SHPRH: variants seen among roughly 807,000 people sequenced by gnomAD.
SHPRH encodes the protein E3 ubiquitin-protein ligase SHPRH.
A neutral mutation model predicts 202.5 loss-of-function variants in SHPRH; 106 were observed. That is an observed-to-expected ratio of 0.52 (90% CI 0.45 to 0.62). The LOEUF is 0.62. Among genes scored for constraint, SHPRH ranks in the 20% least tolerant of loss-of-function variants. The pLI, the probability that SHPRH is intolerant of heterozygous loss-of-function variation, is 0.00. For missense variants in SHPRH, 1,710 were observed against 2,020.0 expected (o/e 0.85, Z 2.94); for synonymous variants, 729 against 686.0 (o/e 1.06, Z -0.98).
Position 145,943,792 on chromosome 6 carries a change from C to A in SHPRH, c.1589G>T (p.Ser530Ile). Residue 530 changes from serine to isoleucine, a missense_variant, in exon 9 of 30, where the codon AGT (serine) becomes ATT (isoleucine). Physicochemically the swap from Ser to Ile is moderately radical, Grantham distance 142. This residue lies in a region of SHPRH where 348 missense variants were observed against 356.9 expected (regional missense o/e 0.97). Transcript: ENST00000275233. The stretch of plus-strand genomic sequence containing the variant: ...AGTTTCTTTCTGAATTTTCCTTGGA[C>A]TCCCTACTGCCTATGAAAAAAATAT... ...CDKTKKQAVG[S>I]PRKIQKETRK... 6.4e-7 allele frequency: 1 copy of A among 1,573,972 alleles called. No homozygotes were observed. Among genetic ancestry groups the A allele is most frequent in the Non-Finnish European group, 8.6e-7 (1 of 1,167,244 alleles).
At chr6:145,946,172 G>A in intron 7 of SHPRH, 61 bp downstream of exon 7, 1 of 1,238,706 alleles carries the variant, frequency 8.1e-7, no homozygotes, top group Non-Finnish European at 1.1e-6. Flanking sequence ...TCTAAGGATT[G>A]CAAGAACTCT....
At chr6:145,954,360 A>C (rs1788277699) in intron 2 of SHPRH, among the ~76,000 whole-genome samples, 1 of 152,104 alleles carries the variant, frequency 6.6e-6, no homozygotes, top group Admixed American at 6.6e-5. Context: ...ATTTGCATTC[A>C]ATCATACAAT....
At chr6:145,864,622 TTG>T in intron 2 of SHPRH, 1 of 168,472 alleles carries the variant, frequency 5.9e-6, no homozygotes, top group African/African-American at 2.4e-5. Flanking sequence ...TTTTTTTTTT[TTG>T]GGTAAGCCAC....
downstream of SHPRH, among the ~76,000 whole-genome samples, chr6:145,882,770 A>C (rs932476251): frequency 3.9e-5 from 6 of 152,216 alleles, no homozygotes; most frequent in Non-Finnish European, 8.8e-5. Context: ...TGATGCAGTA[A>C]ATGTTAATTA....
rs1244552831 is a variant in SHPRH at position 145,951,857 on chromosome 6, C to A, written c.763+492G>T. 4 of 455,830 alleles carry A rather than the reference C, an allele frequency of 8.8e-6. No homozygotes were observed. The East Asian group carries it at 2.8e-4, about 32-fold the overall frequency. The allele number at this position is 455,830 out of a possible 1,614,324, so 28.2% of individuals were successfully genotyped here. On this transcript the variant is annotated intron_variant, in intron 3 of 29. Transcript: ENST00000275233. Reference sequence around the variant, plus strand: ...TGTTGATGAGCTGCACCAAGCCATCCACACTCTCCCAAGGTGACCAATGGC... The same window carrying A: ...TGTTGATGAGCTGCACCAAGCCATCAACACTCTCCCAAGGTGACCAATGGC...
intron 2 of SHPRH, among the ~76,000 whole-genome samples, chr6:145,864,825 G>A (rs527270570): frequency 1.3e-5 from 2 of 151,962 alleles, no homozygotes; most frequent in Middle Eastern, 3.4e-3. Context: ...GAATTGCCAC[G>A]TTTTAGGTCA....
intron 25 of SHPRH, among the ~76,000 whole-genome samples, chr6:145,896,994 AAAG>A (rs1407361690): frequency 6.6e-6 from 1 of 151,982 alleles, no homozygotes; most frequent in East Asian, 1.9e-4. Flanking sequence ...GGAACTGGAA[AAAG>A]AAGAGCAAAG....
chr6:145,930,602 A>G (rs1326492581), intron 14 of SHPRH, among the ~76,000 whole-genome samples: 2 of 152,142 alleles, frequency 1.3e-5, no homozygotes, highest in East Asian at 3.8e-4. Context: ...GTAAGCATGA[A>G]TCCTTTGAAA....
chr6:145,878,050 T>C (rs1780382661), intron 2 of SHPRH: 1 of 152,228 alleles, frequency 6.6e-6, no homozygotes, highest in Non-Finnish European at 1.5e-5. Flanking sequence ...TTGTTCATAT[T>C]TGACTCAGAA....
In SHPRH at chr6:145,946,223, T is replaced by A. The variant is rs1787358900; in HGVS notation, c.1321+10A>T. The A allele has an allele frequency of 2.5e-6, 4 of 1,597,314 alleles. No individual in the cohort carries two copies. The highest frequency in any genetic ancestry group is 3.4e-6 in the Non-Finnish European group (4 of 1,169,590). ...AAGAAGGTATTTCCTTTAAGAGATG[T>A]CTTACTTACGAGGGCATTGAACTTT... On this transcript the variant is annotated intron_variant, in intron 7 of 29. Transcript: ENST00000275233.
chr6:145,940,578 G>C, intron 11 of SHPRH, 145 bp downstream of exon 11: 1 of 719,454 alleles, frequency 1.4e-6, no homozygotes. Context: ...AAAGATAAAT[G>C]CTTGAAACTA....
At chr6:145,900,105 T>A (rs983588545) in intron 25 of SHPRH, among the ~76,000 whole-genome samples, 2 of 152,138 alleles carry the variant, frequency 1.3e-5, no homozygotes, top group African/African-American at 4.8e-5. Flanking sequence ...GGTTTCTCAA[T>A]ATATTAAAAA....
Position 145,886,750 on chromosome 6 carries a change from C to T in SHPRH, c.4993G>A (p.Val1665Ile). 6.2e-7 allele frequency: 1 copy of T among 1,613,788 alleles called. No individual in the cohort carries two copies. Among genetic ancestry groups the T allele is most frequent in the South Asian group, 1.1e-5 (1 of 91,068 alleles). Reference sequence around the variant, plus strand: ...TCTGCCAGGTCAGCCACAGTCAAGACAGAGGCCTCTGAATGCTTTGCTGAT... The same window carrying T: ...TCTGCCAGGTCAGCCACAGTCAAGATAGAGGCCTCTGAATGCTTTGCTGAT... ...NSSAKHSEAS[V>I]LTVADLADLF... Residue 1665 changes from valine (V) to isoleucine (I), a missense_variant, in exon 30 of 30, where the codon GTC becomes ATC. Val to Ile is a conservative substitution (Grantham distance 29). This residue lies in a region of SHPRH where 306 missense variants were observed against 479.5 expected (regional missense o/e 0.64). Transcript: ENST00000275233.
chr6:145,951,924 C>T, intron 3 of SHPRH: 1 of 455,648 alleles, frequency 2.2e-6, no homozygotes, highest in Non-Finnish European at 4.4e-6. Flanking sequence ...GATGCAACGT[C>T]TTGCCAAGAA....
intron 19 of SHPRH, 101 bp from the exon 20 acceptor site, chr6:145,922,449 A>G: frequency 7.6e-7 from 1 of 1,319,494 alleles, no homozygotes; most frequent in East Asian, 2.6e-5. Context: ...TCTTTCCACT[A>G]GATATGCCAT....
chr6:145,886,730 C>A lies in SHPRH; in HGVS notation c.5013G>T (p.Leu1671=). 1 of 1,613,632 alleles carries A rather than the reference C, an allele frequency of 6.2e-7. No homozygotes were observed. Among genetic ancestry groups the A allele is most frequent in the South Asian group, 1.1e-5 (1 of 91,066 alleles). The change falls in exon 30 of 30, where the codon CTG becomes CTT. Residue 1671 remains leucine (L), a synonymous_variant. Coordinates refer to ENST00000275233, the MANE Select transcript of SHPRH (RefSeq NM_001042683.3). ...CAGTTTCTTTGGTAAATAGGTCTGC[C>A]AGGTCAGCCACAGTCAAGACAGAGG... ...SEASVLTVAD[L]ADLFTKETEE...
Position 145,910,583 on chromosome 6 carries a change from A to T in SHPRH, c.4380T>A (p.Ile1460=). The change falls in exon 25 of 30, where the codon ATT becomes ATA. Residue 1460 remains isoleucine (I), a synonymous_variant. Transcript: ENST00000275233. ...HCFCNECISI[I]IEQYSVGSHR... The stretch of plus-strand genomic sequence containing the variant: ...GAGATCCCACGCTGTATTGTTCAAT[A>T]ATTATAGAAATGCATTCATTACAGA... 6.2e-7 allele frequency: 1 copy of T among 1,613,142 alleles called. No individual in the cohort carries two copies. Among genetic ancestry groups the T allele is most frequent in the Non-Finnish European group, 8.5e-7 (1 of 1,179,520 alleles).
chr6:145,873,880 T>C (rs992785945), intron 2 of SHPRH, among the ~76,000 whole-genome samples: 2 of 152,158 alleles, frequency 1.3e-5, no homozygotes, highest in Non-Finnish European at 2.9e-5. Flanking sequence ...CACAAAGTGA[T>C]ATTATGTTAG....
intron 7 of SHPRH, among the ~76,000 whole-genome samples, 173 bp from the exon 8 acceptor site, chr6:145,945,810 T>C (rs1787311576): frequency 6.6e-6 from 1 of 152,094 alleles, no homozygotes; most frequent in Non-Finnish European, 1.5e-5. Flanking sequence ...TCTCAGCATA[T>C]TAAGAAACAA....
Sources: allele counts gnomAD v4.1 joint callset (sites outside exome capture counted in the v4.1 genomes callset), GRCh38; gene constraint gnomAD v4.1.1; regional missense constraint gnomAD v4.1.1; transcripts MANE v1.5; gene names NCBI Gene and HGNC (gene_info 2026-07-23, HGNC 2026-07-21).